Variants in ANO10 observed in about 807,000 individuals in gnomAD.
ANO10 encodes anoctamin 10.
Under a neutral mutation model 74.7 loss-of-function variants are expected in ANO10, and 77 were observed. The ratio of observed to expected loss-of-function variants is 1.03; its 90% CI spans 0.86 to 1.25. The LOEUF (loss-of-function observed/expected upper bound fraction) is 1.25. Among genes scored for constraint, ANO10 ranks in the 50% most tolerant of loss-of-function variants. ANO10 has a pLI of 0.00. For missense variants in ANO10, 721 were observed against 778.1 expected, an observed-to-expected ratio of 0.93 and a Z score of 0.87; for synonymous variants, 279 against 284.9, an observed-to-expected ratio of 0.98 and a Z score of 0.21.
intron 1 of ANO10, among the ~76,000 whole-genome samples, chr3:43,635,833 GATGGTCTCGATAGCC>G (rs1253075190): frequency 6.6e-6 from 1 of 152,014 alleles, no homozygotes; most frequent in East Asian, 1.9e-4. Flanking sequence ...TGTTGGCCAG[GATGGTCTCGATAGCC>G]TGACCTCATG....
chr3:43,549,807 G>A lies in ANO10; in HGVS notation c.1710C>T (p.Asn570=), dbSNP rs142862162. 7.3e-5 allele frequency: 118 copies of A among 1,613,952 alleles called. No individual in the cohort carries two copies. The Middle Eastern group carries it at 1.8e-3, about 25-fold the overall frequency. Residue 570 remains asparagine (N), a synonymous_variant, in exon 11 of 13, where the codon AAC becomes AAT. Coordinates refer to ENST00000292246, the MANE Select transcript of ANO10 (RefSeq NM_018075.5). ...ETMSVISVVT[N]CALIGMSPQV... ...GTGGTGACATTCCAATCAGCGCACA[G>A]TTAGTGACCACAGATATAACACTCA...
At chr3:43,384,139 AATC>A (rs2092050921) in intron 12 of ANO10, among the ~76,000 whole-genome samples, 1 of 152,208 alleles carries the variant, frequency 6.6e-6, no homozygotes, top group African/African-American at 2.4e-5. Flanking sequence ...CCAAGCTGAG[AATC>A]AAATCAAGAA....
intron 2 of ANO10, 88 bp downstream of exon 2, chr3:43,605,626 A>C: frequency 1.3e-6 from 2 of 1,497,862 alleles, no homozygotes; most frequent in Admixed American, 3.7e-5. Context: ...TTGCAAATAC[A>C]TTTTTAGTGA....
In ANO10 at chr3:43,367,071, C is replaced by T. The variant is rs2091437263; in HGVS notation, c.1915-97G>A. 3.3e-6 allele frequency: 4 copies of T among 1,210,566 alleles called. No individual in the cohort carries two copies. The South Asian group carries it at 5.2e-5, about 16-fold the overall frequency. The allele number at this position is 1,210,566 out of a possible 1,614,324, so 75.0% of individuals were successfully genotyped here. A position where few individuals can be genotyped will look rare whatever the true frequency, so the allele number is the denominator to read the frequency against. On this transcript the variant is annotated intron_variant, in intron 12 of 12. Coordinates refer to ENST00000292246, the MANE Select transcript of ANO10 (RefSeq NM_018075.5). The stretch of plus-strand genomic sequence containing the variant: ...GGAAGCCTGGCCAGCGGCTTTGACC[C>T]CAGGGAAGTGGTGACTCTGATGCTG...
intron 12 of ANO10, among the ~76,000 whole-genome samples, chr3:43,428,046 T>A (rs996390678): frequency 1.3e-5 from 2 of 151,596 alleles, no homozygotes; most frequent in African/African-American, 4.8e-5. Flanking sequence ...GTCCAACTTT[T>A]ACCCTGAACC....
At chr3:43,516,457 G>A (rs571877712) in intron 11 of ANO10, among the ~76,000 whole-genome samples, 9 of 152,296 alleles carry the variant, frequency 5.9e-5, no homozygotes, top group African/African-American at 1.7e-4. Context: ...GACTAGGGAC[G>A]AAAGACAGAT....
chr3:43,442,086 A>T (rs2093168600), intron 11 of ANO10, among the ~76,000 whole-genome samples: 1 of 152,180 alleles, frequency 6.6e-6, no homozygotes, highest in Non-Finnish European at 1.5e-5. Flanking sequence ...CTCTAAGATC[A>T]GGAACATGGC....
chr3:43,510,259 G>A (rs2077458854), intron 11 of ANO10, among the ~76,000 whole-genome samples: 1 of 151,896 alleles, frequency 6.6e-6, no homozygotes. Context: ...GTGAAACCCC[G>A]TCTCTACTAA....
intron 11 of ANO10, among the ~76,000 whole-genome samples, chr3:43,455,000 T>G (rs538854363): frequency 6.6e-6 from 1 of 151,916 alleles, no homozygotes; most frequent in African/African-American, 2.4e-5. Flanking sequence ...TGTGAGAGAA[T>G]AGAATCCAGC....
At position 43,435,112 on chromosome 3, in the gene ANO10, C is replaced by T. The variant is rs147917045; in HGVS notation, c.1798-2385G>A. 5.9e-5 allele frequency among the ~76,000 whole-genome samples: 9 copies of T among 152,356 alleles called. No individual in the cohort carries two copies. In the East Asian group the frequency reaches 1.7e-3, roughly 29 times the overall value. On this transcript the variant is annotated intron_variant, in intron 11 of 12. Coordinates refer to ENST00000292246, the MANE Select transcript of ANO10 (RefSeq NM_018075.5). ...ATATGCCCTGCCACGCTCCTAAACT[C>T]ACCTCGTCCTGATTGCTCATTTGCC...
intron 4 of ANO10, 74 bp downstream of exon 4, chr3:43,598,458 A>G (rs2082188306): frequency 6.9e-7 from 1 of 1,456,208 alleles, no homozygotes; most frequent in Non-Finnish European, 9.5e-7. Context: ...GTTCTTCTGT[A>G]AGAGGGAAAA....
chr3:43,567,129 G>C (rs1284954323), intron 7 of ANO10, among the ~76,000 whole-genome samples: 2 of 152,030 alleles, frequency 1.3e-5, no homozygotes, highest in East Asian at 1.9e-4. Context: ...GGGAAGTTTA[G>C]AGAAAAAAGA....
At chr3:43,616,289 C>T (rs1017309687) in intron 1 of ANO10, among the ~76,000 whole-genome samples, 1 of 152,192 alleles carries the variant, frequency 6.6e-6, no homozygotes, top group Non-Finnish European at 1.5e-5. Flanking sequence ...GTCACACCAC[C>T]GGTGTGGCAG....
At chr3:43,429,786 CAATAA>C (rs1179498539) in intron 12 of ANO10, among the ~76,000 whole-genome samples, 3 of 152,052 alleles carry the variant, frequency 2.0e-5, no homozygotes, top group Non-Finnish European at 2.9e-5. Flanking sequence ...TATAGATATA[CAATAA>C]TTTACTTAAC....
chr3:43,482,137 C>T (rs1008879970), intron 11 of ANO10, among the ~76,000 whole-genome samples: 7 of 151,864 alleles, frequency 4.6e-5, no homozygotes, highest in African/African-American at 1.7e-4. Context: ...GCCGTGTTAG[C>T]CAGGATGGTC....
chr3:43,425,166 G>C (rs979207205), intron 12 of ANO10, among the ~76,000 whole-genome samples: 2 of 146,994 alleles, frequency 1.4e-5, no homozygotes, highest in Non-Finnish European at 3.0e-5. Flanking sequence ...AAATTTTACA[G>C]TTTCCATTAA....
At position 43,366,769 on chromosome 3, in the gene ANO10, G is replaced by A; in HGVS notation, c.*137C>T. On this transcript the variant is annotated 3_prime_UTR_variant, in exon 13 of 13. Transcript: ENST00000292246. ...AACTGAGAAGGGTGCTTGCCACATG[G>A]GAGCCACTTCGTTTGGCTAAGCATT... 1 of 876,068 alleles carries A rather than the reference G, an allele frequency of 1.1e-6. No homozygotes were observed. The allele number at this position is 876,068 out of a possible 1,614,324, so 54.3% of individuals were successfully genotyped here.
intron 11 of ANO10, among the ~76,000 whole-genome samples, chr3:43,548,329 C>T (rs2079295702): frequency 6.6e-6 from 1 of 152,186 alleles, no homozygotes; most frequent in Admixed American, 6.5e-5. Context: ...AAAGGTAACT[C>T]TGTCTTGTTT....
At chr3:43,552,721 T>C (rs1401936141) in intron 10 of ANO10, among the ~76,000 whole-genome samples, 2 of 115,964 alleles carry the variant, frequency 1.7e-5, no homozygotes, top group Admixed American at 2.0e-4. Flanking sequence ...TATATATATA[T>C]ATATATATGT....
Sources: allele counts gnomAD v4.1 joint callset (sites outside exome capture counted in the v4.1 genomes callset), GRCh38; gene constraint gnomAD v4.1.1; transcripts MANE v1.5; gene names NCBI Gene and HGNC (gene_info 2026-07-23, HGNC 2026-07-21).